Variants in DPYD observed in about 807,000 individuals in gnomAD.
DPYD encodes dihydropyrimidine dehydrogenase [NADP(+)].
DPYD carries 109 observed loss-of-function variants against 116.2 expected under a neutral mutation model. The observed-to-expected ratio is 0.94, with a 90% CI of 0.80 to 1.10. The LOEUF is 1.10. Among genes scored for constraint, DPYD ranks in the 50% least tolerant of loss-of-function variants. DPYD has a pLI of 0.00. For synonymous variants in DPYD, 440 were observed against 432.0 expected (o/e 1.02, Z -0.23); for missense variants, 1,302 against 1,254.5 (o/e 1.04, Z -0.57).
At chr1:97,898,514 A>G (rs1419906747) in intron 1 of DPYD, among the ~76,000 whole-genome samples, 1 of 151,982 alleles carries the variant, frequency 6.6e-6, no homozygotes, top group Admixed American at 6.6e-5. Context: ...CTCAGGGAAC[A>G]CTGTATTTCA....
chr1:97,604,077 T>C (rs1333806505), intron 8 of DPYD, among the ~76,000 whole-genome samples: 4 of 152,100 alleles, frequency 2.6e-5, no homozygotes, highest in Admixed American at 6.6e-5. Flanking sequence ...ATAAAGAACA[T>C]GTAGCAAACG....
chr1:97,147,024 T>C (rs1221756949), intron 20 of DPYD, among the ~76,000 whole-genome samples: 1 of 152,156 alleles, frequency 6.6e-6, no homozygotes, highest in Admixed American at 6.5e-5. Context: ...TACTGAAAGA[T>C]AATTTACATG....
intron 5 of DPYD, among the ~76,000 whole-genome samples, chr1:97,708,426 C>T (rs1356229647): frequency 2.6e-5 from 4 of 151,884 alleles, no homozygotes; most frequent in African/African-American, 9.7e-5. Context: ...CATTATATTG[C>T]CTTTGCTCTT....
chr1:97,340,677 A>G (rs887414517), intron 16 of DPYD, among the ~76,000 whole-genome samples: 2 of 152,186 alleles, frequency 1.3e-5, no homozygotes, highest in African/African-American at 4.8e-5. Context: ...CCCTATCTCA[A>G]AAAATAAAAG....
chr1:97,333,695 G>C (rs1463326173), intron 16 of DPYD, among the ~76,000 whole-genome samples: 1 of 146,700 alleles, frequency 6.8e-6, no homozygotes, highest in East Asian at 2.1e-4. Flanking sequence ...TAATTTTTTT[G>C]TATTTTAGTA....
intron 3 of DPYD, among the ~76,000 whole-genome samples, chr1:97,813,654 T>G (rs1231607883): frequency 6.6e-6 from 1 of 152,104 alleles, no homozygotes; most frequent in Admixed American, 6.6e-5. Context: ...ATTACTACTA[T>G]TACTTCTATT....
At position 97,346,524 on chromosome 1, in the gene DPYD, T is replaced by C. The variant is rs894172050; in HGVS notation, c.2058+27037A>G. The stretch of plus-strand genomic sequence containing the variant: ...AAGAAATTTTAACAAACTTTTATGA[T>C]CTCTGTATTTTCTGCCTTGTTTAAA... On this transcript the variant is annotated intron_variant, in intron 16 of 22. Transcript: ENST00000370192. Among the ~76,000 whole-genome samples the C allele has an allele frequency of 2.0e-5, 3 of 151,864 alleles. No individual in the cohort carries two copies. In the East Asian group the frequency reaches 5.8e-4, roughly 29 times the overall value.
intron 8 of DPYD, among the ~76,000 whole-genome samples, chr1:97,630,048 C>T (rs903054484): frequency 2.0e-5 from 3 of 151,654 alleles, no homozygotes; most frequent in Non-Finnish European, 4.4e-5. Context: ...ATAATTTGTT[C>T]CTTTTTAATG....
intron 11 of DPYD, among the ~76,000 whole-genome samples, chr1:97,562,140 C>T (rs1652195290): frequency 6.6e-6 from 1 of 152,190 alleles, no homozygotes; most frequent in African/African-American, 2.4e-5. Flanking sequence ...TGGGAAGTAA[C>T]ATCCCACAAG....
intron 16 of DPYD, among the ~76,000 whole-genome samples, chr1:97,319,566 G>C (rs1329749236): frequency 1.4e-5 from 2 of 138,756 alleles, no homozygotes; most frequent in African/African-American, 5.6e-5. Flanking sequence ...CCAATAACAG[G>C]CTCTGAAATT....
chr1:97,474,449 A>G (rs1272693733), intron 13 of DPYD, among the ~76,000 whole-genome samples: 1 of 152,058 alleles, frequency 6.6e-6, no homozygotes, highest in Non-Finnish European at 1.5e-5. Context: ...AATGTCTTTA[A>G]TAATGTTTAA....
At chr1:97,178,418 A>G (rs1412045414) in intron 20 of DPYD, among the ~76,000 whole-genome samples, 1 of 152,154 alleles carries the variant, frequency 6.6e-6, no homozygotes, top group Non-Finnish European at 1.5e-5. Context: ...AATCGTGGCA[A>G]AAGGCGAGAG....
intron 16 of DPYD, among the ~76,000 whole-genome samples, chr1:97,310,467 C>T (rs150835962): frequency 4.6e-4 from 70 of 151,896 alleles, no homozygotes; most frequent in African/African-American, 1.7e-3. Flanking sequence ...CTAGAAGTAG[C>T]TGCAACATAA....
At chr1:97,604,503 ACTT>A (rs1456548663) in intron 8 of DPYD, among the ~76,000 whole-genome samples, 1 of 152,024 alleles carries the variant, frequency 6.6e-6, no homozygotes, top group African/African-American at 2.4e-5. Context: ...TAAATGATAA[ACTT>A]CTGTGCAAAT....
intron 17 of DPYD, among the ~76,000 whole-genome samples, chr1:97,305,826 C>A (rs965043349): frequency 7.2e-5 from 11 of 151,762 alleles, no homozygotes; most frequent in African/African-American, 2.7e-4. Context: ...TTCTTTTTTT[C>A]TTTTTTACTC....
chr1:97,623,238 C>CA (rs1194903096), intron 8 of DPYD, among the ~76,000 whole-genome samples: 4 of 151,968 alleles, frequency 2.6e-5, no homozygotes, highest in Admixed American at 2.6e-4. Context: ...GTGTCCCCCA[C>CA]AAAAAAGCAA....
chr1:97,767,663 A>T (rs1478222257), intron 3 of DPYD, among the ~76,000 whole-genome samples: 1 of 152,004 alleles, frequency 6.6e-6, no homozygotes. Context: ...GATAAGCAGA[A>T]CAACCTACAC....
rs369752243 is a variant in DPYD, at chr1:97,644,020, C to A, written c.850+35075G>T. On this transcript the variant is annotated intron_variant, in intron 8 of 22. Transcript: ENST00000370192. Reference sequence around the variant, plus strand: ...ATGGGTTCAGCAAACCACCATGGCACGTGTGTACCTATGTAACAAACCTGC... The same window carrying A: ...ATGGGTTCAGCAAACCACCATGGCAAGTGTGTACCTATGTAACAAACCTGC... Among the ~76,000 whole-genome samples, 7 of 151,902 alleles carry A rather than the reference C, an allele frequency of 4.6e-5. No individual in the cohort carries two copies. In the East Asian group the frequency reaches 7.8e-4, roughly 17 times the overall value.
chr1:97,736,849 T>TG (rs1435682236), intron 4 of DPYD, among the ~76,000 whole-genome samples: 5 of 117,318 alleles, frequency 4.3e-5, no homozygotes, highest in Non-Finnish European at 6.8e-5. Context: ...TGTGTGTGCA[T>TG]TTGTGTGTGT....
Sources: gnomAD v4.1 joint callset for allele counts (sites outside exome capture counted in the v4.1 genomes callset) on GRCh38, gnomAD v4.1.1 for gene constraint, MANE v1.5 for transcripts, NCBI Gene and HGNC (gene_info 2026-07-23, HGNC 2026-07-21) for gene names.